The following HRH1 variants were observed in gnomAD, a reference collection of about 807,000 sequenced individuals.
The protein encoded by HRH1 is histamine receptor H1.
A neutral mutation model predicts 10.3 loss-of-function variants in HRH1; 6 were observed. The observed-to-expected ratio is 0.58, with a 90% CI of 0.32 to 1.15. HRH1 has a LOEUF of 1.15. Among genes scored for constraint, HRH1 ranks in the 50% most tolerant of loss-of-function variants. The pLI, the probability that HRH1 is intolerant of heterozygous loss-of-function variation, is 0.05. For missense variants in HRH1, 514 were observed against 615.3 expected (o/e 0.84, Z 1.74); for synonymous variants, 242 against 236.7 (o/e 1.02, Z -0.21).
At chr3:11,224,242 A>T (rs537503717) in intron 1 of HRH1, among the ~76,000 whole-genome samples, 2 of 152,306 alleles carry the variant, frequency 1.3e-5, no homozygotes, top group African/African-American at 4.8e-5. Context: ...AACAGGGGAG[A>T]GAAAAGCTCT....
chr3:11,219,950 G>GTTTTT (rs552227637), intron 1 of HRH1, among the ~76,000 whole-genome samples: 4 of 110,340 alleles, frequency 3.6e-5, no homozygotes, highest in Admixed American at 8.5e-5. Flanking sequence ...TTAATGTGTT[G>GTTTTT]TTTTTTTTTT....
intron 1 of HRH1, among the ~76,000 whole-genome samples, chr3:11,200,890 G>A (rs1445436096): frequency 2.0e-5 from 3 of 152,150 alleles, no homozygotes; most frequent in African/African-American, 7.2e-5. Flanking sequence ...TCATTTTATA[G>A]TAATGGCCTA....
At chr3:11,138,401 C>T (rs1936227397) in intron 1 of HRH1, among the ~76,000 whole-genome samples, 1 of 152,112 alleles carries the variant, frequency 6.6e-6, no homozygotes, top group Admixed American at 6.5e-5. Context: ...CTTGAACAGA[C>T]ATTTCTCCAA....
chr3:11,224,273 G>A (rs1452022164), intron 1 of HRH1, among the ~76,000 whole-genome samples: 1 of 151,770 alleles, frequency 6.6e-6, no homozygotes, highest in Non-Finnish European at 1.5e-5. Context: ...TCACAGTACA[G>A]AGTCAGCTCT....
Position 11,258,944 on chromosome 3 carries a change from A to G in HRH1, c.-35-59A>G. The G allele has an allele frequency of 7.5e-6, 9 of 1,208,048 alleles. No individual in the cohort carries two copies. In the South Asian group the frequency reaches 1.2e-4, roughly 16 times the overall value. The allele number at this position is 1,208,048 out of a possible 1,614,324, so 74.8% of individuals were successfully genotyped here. A position where few individuals can be genotyped will look rare whatever the true frequency, so the allele number is the denominator to read the frequency against. On this transcript the variant is annotated intron_variant, in intron 1 of 1. Transcript: ENST00000431010. ...ACTCCAGTCTGATGAACATCATGCT[A>G]CTAAGTGGCCACTCATCACCCAAGT...
intron 1 of HRH1, among the ~76,000 whole-genome samples, chr3:11,226,825 C>G (rs1575027877): frequency 6.8e-6 from 1 of 148,082 alleles, no homozygotes; most frequent in African/African-American, 2.5e-5. Context: ...AGGCAGAGGT[C>G]GTAGTGAGCC....
At chr3:11,143,840 T>A (rs1016119184) in intron 1 of HRH1, among the ~76,000 whole-genome samples, 4 of 152,134 alleles carry the variant, frequency 2.6e-5, no homozygotes, top group Non-Finnish European at 5.9e-5. Flanking sequence ...ATCCTCCCCC[T>A]TCAAGCCGGA....
upstream of HRH1, among the ~76,000 whole-genome samples, chr3:11,153,527 C>T (rs1205559459): frequency 1.3e-5 from 2 of 151,606 alleles, no homozygotes; most frequent in Non-Finnish European, 2.9e-5. Context: ...CATGTCCCAC[C>T]TCCTCAAACA....
At chr3:11,202,249 C>T (rs1475701851) in intron 1 of HRH1, among the ~76,000 whole-genome samples, 3 of 151,806 alleles carry the variant, frequency 2.0e-5, no homozygotes, top group Non-Finnish European at 4.4e-5. Flanking sequence ...ACTAAAAATA[C>T]AAAAATTGGC....
At chr3:11,235,554 G>T (rs1246061273) in intron 1 of HRH1, among the ~76,000 whole-genome samples, 1 of 152,232 alleles carries the variant, frequency 6.6e-6, no homozygotes, top group Non-Finnish European at 1.5e-5. Context: ...TGGGAGGGAT[G>T]AGAGTGCCTC....
chr3:11,145,870 A>G (rs1032459553), intron 1 of HRH1, among the ~76,000 whole-genome samples: 1 of 152,210 alleles, frequency 6.6e-6, no homozygotes, highest in Non-Finnish European at 1.5e-5. Context: ...CAAAGTAGTG[A>G]CTTTTACTTT....
chr3:11,154,946 G>C lies in HRH1; in HGVS notation c.-36+392G>C, dbSNP rs1342293565. On this transcript the variant is annotated intron_variant, in intron 1 of 1. Coordinates refer to ENST00000431010, the MANE Select transcript of HRH1 (RefSeq NM_001098212.2). This position sits in a 1 kb window ranked among gnomAD's most constrained non-coding sequence, Gnocchi z 4.4. ...TAACCGTAGTGCCAGCCCATTGGTTGAGTGCGTTCACTGTGCCAGGCTTTG... is the reference window on the plus strand; with the variant it reads ...TAACCGTAGTGCCAGCCCATTGGTTCAGTGCGTTCACTGTGCCAGGCTTTG... 6.6e-6 allele frequency among the ~76,000 whole-genome samples: 1 copy of C among 152,208 alleles called. No individual in the cohort carries two copies. The highest frequency in any genetic ancestry group is 1.5e-5 in the Non-Finnish European group (1 of 68,036).
intron 1 of HRH1, among the ~76,000 whole-genome samples, chr3:11,164,397 C>T (rs1294991167): frequency 3.9e-5 from 6 of 152,152 alleles, no homozygotes; most frequent in Admixed American, 3.9e-4. Flanking sequence ...TCCTTATCCC[C>T]CAGGCTGGTT....
intron 1 of HRH1, among the ~76,000 whole-genome samples, chr3:11,191,709 T>C (rs1937534814): frequency 6.6e-6 from 1 of 152,128 alleles, no homozygotes; most frequent in Admixed American, 6.5e-5. Flanking sequence ...AGGAATTAAG[T>C]ATGTAAATCC....
intron 1 of HRH1, among the ~76,000 whole-genome samples, chr3:11,244,748 C>T (rs1484378176): frequency 6.6e-6 from 1 of 152,238 alleles, no homozygotes; most frequent in East Asian, 1.9e-4. Context: ...TAACTTGTTG[C>T]ATTGTTGGAT....
chr3:11,248,870 G>T (rs1939559645), intron 1 of HRH1, among the ~76,000 whole-genome samples: 1 of 152,178 alleles, frequency 6.6e-6, no homozygotes, highest in Admixed American at 6.5e-5. Context: ...TGCCTCGTTG[G>T]TCAGATGACC....
chr3:11,212,409 G>A (rs971038794), intron 1 of HRH1, among the ~76,000 whole-genome samples: 3 of 152,114 alleles, frequency 2.0e-5, no homozygotes, highest in Non-Finnish European at 2.9e-5. Flanking sequence ...ACTGCCTCTT[G>A]TTAGCAAAGG....
intron 1 of HRH1, among the ~76,000 whole-genome samples, chr3:11,228,156 C>T (rs1049404714): frequency 5.9e-5 from 9 of 152,188 alleles, no homozygotes; most frequent in African/African-American, 2.2e-4. Flanking sequence ...TGAACTCCTC[C>T]TACCATAATT....
At chr3:11,219,350 A>G (rs960148067) in intron 1 of HRH1, among the ~76,000 whole-genome samples, 3 of 152,210 alleles carry the variant, frequency 2.0e-5, no homozygotes, top group Non-Finnish European at 4.4e-5. Context: ...GAATGTAGTT[A>G]GTATCATTGA....
Sources: allele counts gnomAD v4.1 joint callset (sites outside exome capture counted in the v4.1 genomes callset), GRCh38; gene constraint gnomAD v4.1.1; non-coding constraint Gnocchi (gnomAD v3.1); transcripts MANE v1.5; gene names NCBI Gene and HGNC (gene_info 2026-07-23, HGNC 2026-07-21).